PDE1C: variants seen among roughly 807,000 people sequenced by gnomAD.
PDE1C encodes the protein dual specificity calcium/calmodulin-dependent 3',5'-cyclic nucleotide phosphodiesterase 1C.
In PDE1C, 62 loss-of-function variants were observed where a neutral mutation model predicts 93.1. The ratio of observed to expected loss-of-function variants is 0.67; its 90% CI spans 0.54 to 0.82. The LOEUF (loss-of-function observed/expected upper bound fraction) is 0.82. PDE1C is among the 40% of genes least tolerant of loss of function. PDE1C has a pLI of 0.00. For missense variants in PDE1C, 742 were observed against 884.6 expected (o/e 0.84, Z 2.04); for synonymous variants, 325 against 310.1 (o/e 1.05, Z -0.50).
At chr7:32,182,729 A>G (rs1803531959) in intron 2 of PDE1C, among the ~76,000 whole-genome samples, 1 of 152,198 alleles carries the variant, frequency 6.6e-6, no homozygotes, top group South Asian at 2.1e-4. Flanking sequence ...ATTCCCTTTG[A>G]AAACTGGCAC....
At chr7:31,805,735 C>A (rs1405745718) in intron 16 of PDE1C, among the ~76,000 whole-genome samples, 1 of 151,754 alleles carries the variant, frequency 6.6e-6, no homozygotes, top group Non-Finnish European at 1.5e-5. Context: ...TTCCTGTTAA[C>A]TAAAGCCATC....
At chr7:31,635,463 T>C in the PDE1C span, among the ~76,000 whole-genome samples, 1 of 152,250 alleles carries the variant, frequency 6.6e-6, no homozygotes, top group Non-Finnish European at 1.5e-5. Context: ...GATCTCATCA[T>C]TCAAGTGAGG....
At chr7:32,151,227 C>T (rs765542673) in intron 3 of PDE1C, among the ~76,000 whole-genome samples, 1 of 152,106 alleles carries the variant, frequency 6.6e-6, no homozygotes, top group African/African-American at 2.4e-5. Context: ...ACCAGCCCCA[C>T]CCCCACAAAC....
chr7:32,082,672 G>A (rs538159447), intron 3 of PDE1C, among the ~76,000 whole-genome samples: 16 of 152,182 alleles, frequency 1.1e-4, no homozygotes, highest in African/African-American at 2.2e-4. Flanking sequence ...AGGAACCATC[G>A]GACAGCAGCA....
intron 1 of PDE1C, among the ~76,000 whole-genome samples, chr7:32,272,510 T>C (rs1451801119): frequency 6.6e-6 from 1 of 152,218 alleles, no homozygotes; most frequent in Admixed American, 6.5e-5. Context: ...AGCCAATGTT[T>C]ATTGCCTTCA....
chr7:31,722,645 G>A, the PDE1C span, among the ~76,000 whole-genome samples: 3 of 152,120 alleles, frequency 2.0e-5, no homozygotes, highest in African/African-American at 7.2e-5. Context: ...AAGAATGCAC[G>A]GGAGCTGACC....
intron 1 of PDE1C, among the ~76,000 whole-genome samples, chr7:32,307,460 A>G (rs560454307): frequency 1.3e-5 from 2 of 152,204 alleles, no homozygotes; most frequent in Admixed American, 1.3e-4. Context: ...ATATGGCCCC[A>G]CTAAACTGCA....
At position 31,837,923 on chromosome 7, in the gene PDE1C, A is replaced by C. The variant is rs1791326910; in HGVS notation, c.1029T>G (p.Ser343=). The C allele has an allele frequency of 1.2e-5, 19 of 1,613,856 alleles. No individual in the cohort carries two copies. The highest frequency in any genetic ancestry group is 1.6e-5 in the Non-Finnish European group (19 of 1,179,734). Residue 343 remains serine (S), a synonymous_variant, in exon 10 of 18, where the codon TCT becomes TCG. Transcript: ENST00000396191. ...TTGCTTTGATTTGTTGGAAGTGACA[A>C]GACATATCTGTGGCCATCACCATTT... The part of the protein sequence containing the change: ...VIEMVMATDM[S]CHFQQIKAMK...
the PDE1C span, among the ~76,000 whole-genome samples, chr7:31,631,845 A>G: frequency 1.3e-5 from 2 of 152,240 alleles, no homozygotes; most frequent in African/African-American, 4.8e-5. Flanking sequence ...AGCTTGTCTC[A>G]GGATTATTTT....
intron 14 of PDE1C, among the ~76,000 whole-genome samples, chr7:31,816,439 T>C (rs1788280704): frequency 6.6e-6 from 1 of 152,196 alleles, no homozygotes; most frequent in Non-Finnish European, 1.5e-5. Context: ...TCACCGTTAT[T>C]AATAGCTTCT....
upstream of PDE1C, chr7:32,071,342 G>T (rs929678532): frequency 6.5e-5 from 64 of 985,412 alleles, no homozygotes; most frequent in Non-Finnish European, 7.5e-5. Context: ...TCTCGCACCC[G>T]CCACAGAACC....
At chr7:32,206,888 G>T (rs73689083) in intron 2 of PDE1C, among the ~76,000 whole-genome samples, 3,673 of 152,336 alleles carry the variant, frequency 0.024, 49 homozygotes, top group Middle Eastern at 0.034. Flanking sequence ...ACTCTTCACT[G>T]TCCTGGACAC....
intron 2 of PDE1C, among the ~76,000 whole-genome samples, chr7:32,007,475 T>C (rs1293050856): frequency 6.6e-6 from 1 of 152,210 alleles, no homozygotes; most frequent in Non-Finnish European, 1.5e-5. Context: ...CGAGAAGGAA[T>C]CACATGTGTA....
intron 2 of PDE1C, among the ~76,000 whole-genome samples, chr7:32,033,560 G>A (rs1584530774): frequency 1.3e-5 from 2 of 152,108 alleles, no homozygotes; most frequent in African/African-American, 2.4e-5. Context: ...TCAAGAAGTG[G>A]TTCCCGAGCA....
chr7:32,339,168 T>A (rs894178317), intron 1 of PDE1C, among the ~76,000 whole-genome samples: 10 of 152,174 alleles, frequency 6.6e-5, no homozygotes, highest in African/African-American at 2.4e-4. Context: ...GATGATATTA[T>A]GTAAAATAAA....
At chr7:31,926,205 T>C (rs559990512) in intron 2 of PDE1C, among the ~76,000 whole-genome samples, 1 of 152,286 alleles carries the variant, frequency 6.6e-6, no homozygotes, top group East Asian at 1.9e-4. Context: ...CAACTGTGTG[T>C]CCTGAAACGA....
chr7:31,662,932 C>A, the PDE1C span, among the ~76,000 whole-genome samples: 1 of 152,160 alleles, frequency 6.6e-6, no homozygotes, highest in Non-Finnish European at 1.5e-5. Flanking sequence ...ATTTAAAAGT[C>A]TTCAAAGAGT....
intron 1 of PDE1C, among the ~76,000 whole-genome samples, chr7:32,236,244 C>T (rs569936653): frequency 1.6e-4 from 24 of 152,148 alleles, no homozygotes; most frequent in African/African-American, 5.3e-4. Flanking sequence ...TATTGGAACA[C>T]TCAATTCTTA....
rs142570435 is a variant in PDE1C at position 32,055,727 on chromosome 7, T to G, written c.102-4147A>C. 2.6e-3 allele frequency among the ~76,000 whole-genome samples: 401 copies of G among 152,294 alleles called. 1 individual carries two copies. The highest frequency in any genetic ancestry group is 9.4e-3 in the African/African-American group (391 of 41,570). On this transcript the variant is annotated intron_variant, in intron 1 of 17. Transcript: ENST00000396191. Reference sequence around the variant, plus strand: ...AGACAAAGGGAATTTTTTTTTGCTTTGTTTTGTTTTTGAGAGGGAATCTCA... The same window carrying G: ...AGACAAAGGGAATTTTTTTTTGCTTGGTTTTGTTTTTGAGAGGGAATCTCA...
Sources: gnomAD v4.1 joint callset for allele counts (sites outside exome capture counted in the v4.1 genomes callset) on GRCh38, gnomAD v4.1.1 for gene constraint, MANE v1.5 for transcripts, NCBI Gene and HGNC (gene_info 2026-07-23, HGNC 2026-07-21) for gene names.